The following UTP6 variants were observed in gnomAD, a reference collection of about 807,000 sequenced individuals.
The protein encoded by UTP6 is UTP6 small subunit processome component.
A neutral mutation model predicts 96.5 loss-of-function variants in UTP6; 60 were observed. The observed-to-expected ratio is 0.62, with a 90% CI of 0.51 to 0.77. The LOEUF (loss-of-function observed/expected upper bound fraction) is 0.77. UTP6 is among the 30% of genes least tolerant of loss of function. The probability of loss-of-function intolerance (pLI) is 0.00; values close to 1 mark genes in which losing one functional copy is unlikely to be tolerated. For synonymous variants in UTP6, 215 were observed against 240.1 expected, an observed-to-expected ratio of 0.90 and a Z score of 0.96; for missense variants, 637 against 706.5, an observed-to-expected ratio of 0.90 and a Z score of 1.12.
At chr17:31,873,823 A>G in intron 14 of UTP6, 70 bp from the exon 15 acceptor site, 1 of 1,479,258 alleles carries the variant, frequency 6.8e-7, no homozygotes, top group Non-Finnish European at 9.1e-7. Context: ...CCCTATAAAT[A>G]TGTAAAATAT....
rs1904540710 is a variant in UTP6, at chr17:31,894,852, A to AT, written c.220-116dup. On this transcript the variant is annotated intron_variant, in intron 3 of 18. Coordinates refer to ENST00000261708, the MANE Select transcript of UTP6 (RefSeq NM_018428.3). Reference sequence around the variant, plus strand: ...AGCAAACAAATAATTACAAATATCCATTATAGGCATATCACCACAGTTTTA... The same window carrying AT: ...AGCAAACAAATAATTACAAATATCCATTTATAGGCATATCACCACAGTTTTA... 3 of 1,269,142 alleles carry AT rather than the reference A, an allele frequency of 2.4e-6. No individual in the cohort carries two copies. In the Admixed American group the frequency reaches 6.1e-5, roughly 26 times the overall value. The allele number at this position is 1,269,142 out of a possible 1,614,324, so 78.6% of individuals were successfully genotyped here. A position where few individuals can be genotyped will look rare whatever the true frequency, so the allele number is the denominator to read the frequency against.
chr17:31,899,561 C>A (rs1904845530), intron 2 of UTP6, 85 bp downstream of exon 2: 2 of 1,061,458 alleles, frequency 1.9e-6, no homozygotes, highest in African/African-American at 3.2e-5. Context: ...CACCACTGCA[C>A]TCCAACCTGG....
intron 11 of UTP6, 36 bp from the exon 12 acceptor site, chr17:31,878,817 CT>C: frequency 6.4e-7 from 1 of 1,570,592 alleles, no homozygotes; most frequent in East Asian, 2.2e-5. Context: ...GATCAGATCA[CT>C]TAGTTCAACA....
At chr17:31,884,555 T>C (rs1475128515) in intron 9 of UTP6, 50 bp from the exon 10 acceptor site, 1 of 1,414,772 alleles carries the variant, frequency 7.1e-7, no homozygotes, top group Middle Eastern at 1.8e-4. Flanking sequence ...TAAGAATCAC[T>C]TTACTTTAAA....
intron 14 of UTP6, among the ~76,000 whole-genome samples, chr17:31,874,930 T>C (rs1910406031): frequency 4.3e-5 from 2 of 46,998 alleles, no homozygotes; most frequent in Non-Finnish European, 8.5e-5. Flanking sequence ...AGACTCCATC[T>C]TAAAAAAAAA....
intron 15 of UTP6, 63 bp from the exon 16 acceptor site, chr17:31,873,550 T>C: frequency 6.2e-7 from 1 of 1,606,130 alleles, no homozygotes; most frequent in Non-Finnish European, 8.5e-7. Context: ...CAAAACAGAT[T>C]TTCCCAGAAC....
At chr17:31,893,027 T>C (rs747258885) in intron 4 of UTP6, among the ~76,000 whole-genome samples, 34 of 151,834 alleles carry the variant, frequency 2.2e-4, no homozygotes, top group Non-Finnish European at 4.3e-4. Context: ...ACAAAGATTA[T>C]TGGGAGGCCA....
chr17:31,873,526 A>C, intron 15 of UTP6, 39 bp from the exon 16 acceptor site: 1 of 1,608,590 alleles, frequency 6.2e-7, no homozygotes. Flanking sequence ...CTATGTGAGA[A>C]AACTTATAGA....
At chr17:31,866,669 T>G (rs1598092615) in intron 17 of UTP6, 1 of 141,186 alleles carries the variant, frequency 7.1e-6, no homozygotes, top group African/African-American at 2.7e-5. Context: ...GAAGCAGAGG[T>G]TGCAGTGAGC....
intron 6 of UTP6, chr17:31,892,012 G>C: frequency 2.2e-6 from 1 of 457,940 alleles, no homozygotes; most frequent in Non-Finnish European, 4.0e-6. Context: ...GACAGAGCGA[G>C]ACTCCGTCTC....
chr17:31,893,325 C>T (rs888567787), intron 4 of UTP6, among the ~76,000 whole-genome samples: 2 of 150,834 alleles, frequency 1.3e-5, no homozygotes, highest in African/African-American at 4.9e-5. Context: ...ACTAGGGAGG[C>T]TGAGGCAGAA....
rs1904993703 is a variant in UTP6 at position 31,901,702 on chromosome 17, C to T, written c.-75G>A. 6.9e-7 allele frequency: 1 copy of T among 1,458,700 alleles called. No individual in the cohort carries two copies. The highest frequency in any genetic ancestry group is 1.4e-5 in the African/African-American group (1 of 72,372). 90.4% of individuals were successfully genotyped at this position (1,458,700 alleles called of 1,614,324 possible). A position where few individuals can be genotyped will look rare whatever the true frequency, so the allele number is the denominator to read the frequency against. On this transcript the variant is annotated 5_prime_UTR_variant, in exon 1 of 19. Transcript: ENST00000261708. ...AGCAGGAAGCTCCCGGTTTCAGGTTCGGAGACCCAGCCCTACCACCGACGC... is the reference window on the plus strand; with the variant it reads ...AGCAGGAAGCTCCCGGTTTCAGGTTTGGAGACCCAGCCCTACCACCGACGC...
At chr17:31,894,043 C>T (rs1904487547) in intron 4 of UTP6, among the ~76,000 whole-genome samples, 2 of 151,440 alleles carry the variant, frequency 1.3e-5, no homozygotes, top group African/African-American at 4.9e-5. Context: ...CTGAGGTGGG[C>T]AGATCACTTG....
At chr17:31,892,690 A>T in intron 5 of UTP6, 57 bp downstream of exon 5, 1 of 1,607,154 alleles carries the variant, frequency 6.2e-7, no homozygotes, top group South Asian at 1.1e-5. Context: ...TGAAGCTTAA[A>T]GGGCAGATTA....
chr17:31,875,698 C>G (rs1910461258), intron 13 of UTP6, among the ~76,000 whole-genome samples: 1 of 151,750 alleles, frequency 6.6e-6, no homozygotes, highest in African/African-American at 2.4e-5. Flanking sequence ...TGGTATGCAT[C>G]TGTAATCCCA....
chr17:31,887,395 G>T, intron 7 of UTP6, 82 bp from the exon 8 acceptor site: 2 of 1,121,124 alleles, frequency 1.8e-6, no homozygotes, highest in Non-Finnish European at 2.7e-6. Flanking sequence ...TGTCACCCAA[G>T]CTGGAGTGCA....
At chr17:31,900,388 T>A (rs1482145330) in intron 1 of UTP6, among the ~76,000 whole-genome samples, 1 of 151,280 alleles carries the variant, frequency 6.6e-6, no homozygotes, top group South Asian at 2.1e-4. Context: ...GCCTCCCGAG[T>A]TCAAGCGATT....
chr17:31,891,809 T>G (rs1171540240), intron 6 of UTP6, among the ~76,000 whole-genome samples: 42 of 151,658 alleles, frequency 2.8e-4, no homozygotes, highest in Non-Finnish European at 2.9e-5. Context: ...GATCACGAGG[T>G]CAGGGGTTCG....
Position 31,880,605 on chromosome 17 carries a change from A to G in UTP6, c.935T>C (p.Val312Ala), listed in dbSNP as rs146176883. ...VGRKEERCCA[V>A]YEEAVKTLPT... ...CAGAGTCTTCACTGCCTCTTCATAC[A>G]CAGCACAGCACCTCTCCTCCTTCCG... The change falls in exon 11 of 19, where the codon GTG becomes GCG. Residue 312 changes from valine (V) to alanine (A), a missense_variant. Transcript: ENST00000261708. 104 of 1,614,036 alleles carry G rather than the reference A, an allele frequency of 6.4e-5. No homozygotes were observed. In the African/African-American group the frequency reaches 1.2e-3, roughly 18 times the overall value.
Sources: gnomAD v4.1 joint callset for allele counts (sites outside exome capture counted in the v4.1 genomes callset) on GRCh38, gnomAD v4.1.1 for gene constraint, MANE v1.5 for transcripts, NCBI Gene and HGNC (gene_info 2026-07-23, HGNC 2026-07-21) for gene names.